CNTN5: variants seen among roughly 807,000 people sequenced by gnomAD.
CNTN5 encodes contactin-5.
In CNTN5, 77 loss-of-function variants were observed where a neutral mutation model predicts 129.1. The ratio of observed to expected loss-of-function variants is 0.60; its 90% CI spans 0.50 to 0.72. The LOEUF (loss-of-function observed/expected upper bound fraction) is 0.72, where lower values mean the gene tolerates loss of function less well. Among genes scored for constraint, CNTN5 ranks in the 30% least tolerant of loss-of-function variants. CNTN5 has a pLI of 0.00. For synonymous variants in CNTN5, 509 were observed against 465.6 expected, an observed-to-expected ratio of 1.09 and a Z score of -1.20; for missense variants, 1,478 against 1,328.8, an observed-to-expected ratio of 1.11 and a Z score of -1.75.
At chr11:99,280,886 T>C (rs1409102104) in intron 1 of CNTN5, among the ~76,000 whole-genome samples, 1 of 151,760 alleles carries the variant, frequency 6.6e-6, no homozygotes, top group Non-Finnish European at 1.5e-5. Context: ...TAATAGTTAA[T>C]AGTTAATTAT....
intron 2 of CNTN5, among the ~76,000 whole-genome samples, chr11:99,503,460 G>A (rs1946500151): frequency 6.6e-6 from 1 of 152,170 alleles, no homozygotes; most frequent in Non-Finnish European, 1.5e-5. Context: ...AACCACCTAA[G>A]AGCTATGCAT....
In CNTN5 at chr11:100,291,892, A is replaced by C. The variant is rs565268037; in HGVS notation, c.2315-5733A>C. Among the ~76,000 whole-genome samples the C allele has an allele frequency of 1.5e-4, 22 of 151,662 alleles. No individual in the cohort carries two copies. In the South Asian group the frequency reaches 3.1e-3, roughly 21 times the overall value. ...TGTAGAGGTTAAAACAAACAAACAA[A>C]CAACAACAAAAAAAAGGTTTTTTCT... On this transcript the variant is annotated intron_variant, in intron 18 of 24. Transcript: ENST00000524871.
intron 1 of CNTN5, among the ~76,000 whole-genome samples, chr11:99,320,583 A>C (rs184434404): frequency 1.0e-3 from 153 of 152,344 alleles, no homozygotes; most frequent in African/African-American, 3.7e-3. Context: ...GAACCTTCTA[A>C]GGCACAGAAA....
chr11:99,499,853 A>G (rs1343805175), intron 2 of CNTN5, among the ~76,000 whole-genome samples: 3 of 152,230 alleles, frequency 2.0e-5, no homozygotes, highest in Admixed American at 6.5e-5. Context: ...ATGTCACAAC[A>G]TAAATAAAAT....
At chr11:99,360,214 T>G (rs760447494) in intron 2 of CNTN5, among the ~76,000 whole-genome samples, 3 of 152,188 alleles carry the variant, frequency 2.0e-5, no homozygotes, top group Non-Finnish European at 4.4e-5. Flanking sequence ...CCACTTTGGC[T>G]TTGCTGGAGG....
chr11:99,072,947 C>G (rs533997201), intron 1 of CNTN5, among the ~76,000 whole-genome samples: 1 of 152,112 alleles, frequency 6.6e-6, no homozygotes, highest in African/African-American at 2.4e-5. Flanking sequence ...ATTAGTTTTG[C>G]CTGTTTTTGA....
intron 2 of CNTN5, among the ~76,000 whole-genome samples, chr11:99,374,363 T>C (rs1940024753): frequency 6.6e-6 from 1 of 152,232 alleles, no homozygotes; most frequent in Non-Finnish European, 1.5e-5. Flanking sequence ...CTCAAACATT[T>C]ATTTTCCTTG....
intron 23 of CNTN5, among the ~76,000 whole-genome samples, chr11:100,346,146 TCTTAC>T (rs1187543897): frequency 6.6e-6 from 1 of 152,146 alleles, no homozygotes; most frequent in Non-Finnish European, 1.5e-5. Flanking sequence ...ATCAAAGTTT[TCTTAC>T]CTTGACTTAT....
At chr11:99,277,970 C>A (rs1297262369) in intron 1 of CNTN5, among the ~76,000 whole-genome samples, 5 of 151,528 alleles carry the variant, frequency 3.3e-5, no homozygotes, top group Admixed American at 2.6e-4. Flanking sequence ...TTATTGAGGT[C>A]AATTTTTCAT....
At chr11:99,446,163 A>G (rs1944063103) in intron 2 of CNTN5, among the ~76,000 whole-genome samples, 1 of 148,486 alleles carries the variant, frequency 6.7e-6, no homozygotes. Flanking sequence ...CTGTGGCTGC[A>G]TCTTATCTTA....
intron 8 of CNTN5, among the ~76,000 whole-genome samples, chr11:99,958,060 C>A (rs1391061815): frequency 6.6e-6 from 1 of 151,842 alleles, no homozygotes; most frequent in East Asian, 1.9e-4. Context: ...ATGTAATATT[C>A]ATTTTAAAGA....
intron 3 of CNTN5, among the ~76,000 whole-genome samples, chr11:99,752,876 G>A (rs1415918845): frequency 1.3e-5 from 2 of 152,146 alleles, no homozygotes; most frequent in African/African-American, 4.8e-5. Context: ...TAAGAGTGCA[G>A]CATGAGGTCA....
At chr11:99,115,539 C>A (rs972167106) in intron 1 of CNTN5, among the ~76,000 whole-genome samples, 3 of 152,216 alleles carry the variant, frequency 2.0e-5, no homozygotes, top group African/African-American at 7.2e-5. Flanking sequence ...TTAGGCGGAT[C>A]ACCTCAGGAG....
rs1277362726 is a variant in CNTN5 at position 99,488,063 on chromosome 11, G to A, written c.-70-68082G>A. On this transcript the variant is annotated intron_variant, in intron 2 of 24. Transcript: ENST00000524871. Reference sequence around the variant, plus strand: ...CATGAACAATTTCCAAATGCCAGAGGGATTAATCAAATGAAAGATTATTTC... The same window carrying A: ...CATGAACAATTTCCAAATGCCAGAGAGATTAATCAAATGAAAGATTATTTC... Among the ~76,000 whole-genome samples the A allele has an allele frequency of 2.6e-5, 4 of 151,654 alleles. No individual in the cohort carries two copies. The East Asian group carries it at 7.7e-4, about 29-fold the overall frequency.
chr11:99,367,483 A>G (rs1038938480), intron 2 of CNTN5, among the ~76,000 whole-genome samples: 3 of 152,112 alleles, frequency 2.0e-5, no homozygotes, highest in Non-Finnish European at 2.9e-5. Flanking sequence ...TTCTTTCATT[A>G]TTTATTTTTG....
In CNTN5 at chr11:99,295,882, CAAAAAAA is replaced by C. The variant is rs34180493; in HGVS notation, c.-209-29447_-209-29441del. ...TGGGCGACAGAGCGAGACTCCGTCT[CAAAAAAA>C]AAAAAAAAAAAAAAAAGAGTTTTGA... On this transcript the variant is annotated intron_variant, in intron 1 of 24. Coordinates refer to ENST00000524871, the MANE Select transcript of CNTN5 (RefSeq NM_014361.4). Among the ~76,000 whole-genome samples the C allele has an allele frequency of 2.7e-4, 14 of 51,024 alleles. No homozygotes were observed. The East Asian group carries it at 7.4e-3, about 27-fold the overall frequency. 33.5% of individuals were successfully genotyped at this position (51,024 alleles called of 152,430 possible).
chr11:99,732,481 A>C lies in CNTN5; in HGVS notation c.56-87063A>C, dbSNP rs146150874. ...AGTACATTGTACAGTTCTAAAAATA[A>C]GCCTTAAATTTAGAACAAAGACAGT... On this transcript the variant is annotated intron_variant, in intron 3 of 24. Coordinates refer to ENST00000524871, the MANE Select transcript of CNTN5 (RefSeq NM_014361.4). Among the ~76,000 whole-genome samples the C allele has an allele frequency of 8.4e-3, 1,278 of 152,318 alleles. 17 individuals carry two copies. Among genetic ancestry groups the C allele is most frequent in the African/African-American group, 0.028 (1,175 of 41,562 alleles).
chr11:99,226,306 C>T (rs17133301), intron 1 of CNTN5, among the ~76,000 whole-genome samples: 3 of 152,050 alleles, frequency 2.0e-5, no homozygotes, highest in Non-Finnish European at 4.4e-5. Context: ...CACATATTTT[C>T]GTATACATTT....
intron 13 of CNTN5, among the ~76,000 whole-genome samples, chr11:100,187,969 G>A (rs921373667): frequency 2.0e-5 from 3 of 152,126 alleles, no homozygotes; most frequent in African/African-American, 7.2e-5. Context: ...AGCTTCTGCA[G>A]AGCAAAAGAA....
Sources: gnomAD v4.1 joint callset for allele counts (sites outside exome capture counted in the v4.1 genomes callset) on GRCh38, gnomAD v4.1.1 for gene constraint, MANE v1.5 for transcripts, NCBI Gene and HGNC (gene_info 2026-07-23, HGNC 2026-07-21) for gene names.